Variants in ANO3 observed in about 807,000 individuals in gnomAD.
ANO3 encodes anoctamin 3, also known as anoctamin-3.
ANO3 carries 99 observed loss-of-function variants against 144.8 expected under a neutral mutation model. The observed-to-expected ratio is 0.68, with a 90% CI of 0.58 to 0.81. The LOEUF (loss-of-function observed/expected upper bound fraction) is 0.81. Ranked by LOEUF, ANO3 falls within the 30% of genes least tolerant of loss-of-function variation. The pLI, the probability that ANO3 is intolerant of heterozygous loss-of-function variation, is 0.00. For missense variants in ANO3, 905 were observed against 1,202.2 expected, an observed-to-expected ratio of 0.75 and a Z score of 3.66; for synonymous variants, 414 against 392.6, an observed-to-expected ratio of 1.05 and a Z score of -0.64.
At chr11:26,629,885 C>T (rs1261030092) in intron 18 of ANO3, among the ~76,000 whole-genome samples, 5 of 152,124 alleles carry the variant, frequency 3.3e-5, no homozygotes, top group Admixed American at 6.5e-5. Flanking sequence ...CCCGCCTTGG[C>T]CTCTCAAAGT....
At chr11:26,445,037 C>T (rs1858653905) in intron 3 of ANO3, among the ~76,000 whole-genome samples, 2 of 152,006 alleles carry the variant, frequency 1.3e-5, no homozygotes, top group Admixed American at 1.3e-4. Flanking sequence ...ATTCTTGAGA[C>T]CAGAAGTATT....
intron 1 of ANO3, among the ~76,000 whole-genome samples, chr11:26,245,018 T>TGTGCAC (rs1554928315): frequency 7.6e-5 from 11 of 145,324 alleles, no homozygotes; most frequent in African/African-American, 1.8e-4. Flanking sequence ...TGTGTGTGTG[T>TGTGCAC]GTGCATGCAT....
chr11:26,558,406 G>A (rs293965), intron 13 of ANO3, among the ~76,000 whole-genome samples: 20,549 of 151,964 alleles, frequency 0.14, 1,454 homozygotes, highest in Middle Eastern at 0.16. Flanking sequence ...AGCAGCCTCA[G>A]GTGTCTCTGT....
chr11:26,469,272 C>T (rs1859697786), intron 4 of ANO3, among the ~76,000 whole-genome samples: 1 of 151,870 alleles, frequency 6.6e-6, no homozygotes. Context: ...CAAGAGTTTT[C>T]AGAGTTGCTT....
intron 1 of ANO3, among the ~76,000 whole-genome samples, chr11:26,277,621 C>T (rs940290439): frequency 6.6e-6 from 1 of 151,994 alleles, no homozygotes. Flanking sequence ...CTTTTCATAA[C>T]TACATGCTTT....
At chr11:26,613,922 G>T (rs1183406594) in intron 17 of ANO3, among the ~76,000 whole-genome samples, 1 of 152,214 alleles carries the variant, frequency 6.6e-6, no homozygotes, top group Non-Finnish European at 1.5e-5. Context: ...CCATTTCCAG[G>T]CTGGCTGTCA....
At chr11:26,647,688 G>T (rs752387441) in intron 23 of ANO3, 21 bp from the exon 24 acceptor site, 3 of 1,584,258 alleles carry the variant, frequency 1.9e-6, no homozygotes, top group Admixed American at 3.5e-5. Flanking sequence ...TGTTCACCAT[G>T]ATTAATCTTT....
chr11:26,320,098 G>C (rs1279145699), intron 1 of ANO3, among the ~76,000 whole-genome samples: 1 of 152,136 alleles, frequency 6.6e-6, no homozygotes, highest in Non-Finnish European at 1.5e-5. Context: ...AATGCTGATG[G>C]GGCAGCCTAT....
intron 1 of ANO3, among the ~76,000 whole-genome samples, chr11:26,246,456 T>TTATATA (rs150219099): frequency 0.012 from 1,615 of 139,978 alleles, 15 homozygotes; most frequent in East Asian, 0.046. Flanking sequence ...AGTGTAGTCT[T>TTATATA]TATATATATA....
intron 1 of ANO3, among the ~76,000 whole-genome samples, chr11:26,339,252 T>C (rs1855286613): frequency 6.6e-6 from 1 of 151,824 alleles, no homozygotes; most frequent in Non-Finnish European, 1.5e-5. Flanking sequence ...CCTCCCGAGT[T>C]CAAGCTATTC....
At chr11:26,345,786 C>A (rs1855483051) in intron 1 of ANO3, among the ~76,000 whole-genome samples, 1 of 152,160 alleles carries the variant, frequency 6.6e-6, no homozygotes, top group Admixed American at 6.5e-5. Context: ...GTGTGCCAAT[C>A]ATCACTGTGT....
At chr11:26,340,320 G>A (rs1432908343) in intron 1 of ANO3, among the ~76,000 whole-genome samples, 2 of 152,084 alleles carry the variant, frequency 1.3e-5, no homozygotes, top group Non-Finnish European at 2.9e-5. Flanking sequence ...GGGTGGTGGT[G>A]GCTACTTTCT....
intron 1 of ANO3, among the ~76,000 whole-genome samples, chr11:26,252,815 A>G (rs1044844364): frequency 4.6e-5 from 7 of 152,222 alleles, no homozygotes; most frequent in African/African-American, 1.7e-4. Flanking sequence ...TGCTATGTCT[A>G]AAGTATGAAC....
At chr11:26,297,842 G>T (rs1193555093) in intron 1 of ANO3, among the ~76,000 whole-genome samples, 1 of 152,130 alleles carries the variant, frequency 6.6e-6, no homozygotes, top group Non-Finnish European at 1.5e-5. Flanking sequence ...TCAGGGAAAG[G>T]AGGCTGAGGA....
intron 13 of ANO3, among the ~76,000 whole-genome samples, chr11:26,554,326 C>G (rs1002158065): frequency 6.6e-6 from 1 of 151,920 alleles, no homozygotes; most frequent in Non-Finnish European, 1.5e-5. Flanking sequence ...ATTTCTTTAC[C>G]TATTATCAAA....
At position 26,564,692 on chromosome 11, in the gene ANO3, T is replaced by TATACAC. The variant is rs1554970707; in HGVS notation, c.1447+4914_1447+4915insTACACA. Among the ~76,000 whole-genome samples, 206 of 41,118 alleles carry TATACAC rather than the reference T, an allele frequency of 5.0e-3. 29 individuals are homozygous for TATACAC. The highest frequency in any genetic ancestry group is 0.03 in the Admixed American group (95 of 3,176). The allele number at this position is 41,118 out of a possible 152,430, so 27.0% of individuals were successfully genotyped here. ...ACTCATATATATATACTCATATATA[T>TATACAC]ACACACACACACACACACACACACA... On this transcript the variant is annotated intron_variant, in intron 14 of 26. Coordinates refer to ENST00000256737, the MANE Select transcript of ANO3 (RefSeq NM_031418.4).
At chr11:26,572,093 T>C in intron 14 of ANO3, 1 of 985,398 alleles carries the variant, frequency 1.0e-6, no homozygotes, top group Non-Finnish European at 1.2e-6. Flanking sequence ...ACAGTTGTCC[T>C]GTCTGAAAGG....
rs1405075535 is a variant in ANO3 at position 26,577,562 on chromosome 11, C to G, written c.1447+17783C>G. ...CTGGGCAACAAGAGAGAGACTCCGT[C>G]TCAAAAAAAAAAAAAAAAGAGAGAG... On this transcript the variant is annotated intron_variant, in intron 14 of 26. Transcript: ENST00000256737. 5.0e-5 allele frequency among the ~76,000 whole-genome samples: 3 copies of G among 59,668 alleles called. No homozygotes were observed. In the East Asian group the frequency reaches 1.1e-3, roughly 22 times the overall value. The allele number at this position is 59,668 out of a possible 152,430, so 39.1% of individuals were successfully genotyped here.
chr11:26,382,790 T>G (rs561624598), intron 1 of ANO3, among the ~76,000 whole-genome samples: 55 of 152,274 alleles, frequency 3.6e-4, no homozygotes, highest in Non-Finnish European at 7.6e-4. Context: ...TTACCCAAGC[T>G]GGGAGAGTGC....
Sources: gnomAD v4.1 joint callset for allele counts (sites outside exome capture counted in the v4.1 genomes callset) on GRCh38, gnomAD v4.1.1 for gene constraint, MANE v1.5 for transcripts, NCBI Gene and HGNC (gene_info 2026-07-23, HGNC 2026-07-21) for gene names.